Variants in MIA2 observed in about 807,000 individuals in gnomAD.
MIA2 encodes melanoma inhibitory activity protein 2.
MIA2 carries 127 observed loss-of-function variants against 167.8 expected under a neutral mutation model. The ratio of observed to expected loss-of-function variants is 0.76; its 90% CI spans 0.66 to 0.88. The LOEUF (loss-of-function observed/expected upper bound fraction) is 0.88. Ranked by LOEUF, MIA2 falls within the 40% of genes least tolerant of loss-of-function variation. The probability of loss-of-function intolerance (pLI) is 0.00; values close to 1 mark genes in which losing one functional copy is unlikely to be tolerated. For missense variants in MIA2, 1,690 were observed against 1,624.7 expected (o/e 1.04, Z -0.69); for synonymous variants, 552 against 541.9 (o/e 1.02, Z -0.26).
intron 23 of MIA2, among the ~76,000 whole-genome samples, chr14:39,381,640 T>C (rs995923791): frequency 1.3e-5 from 2 of 151,492 alleles, no homozygotes; most frequent in African/African-American, 4.8e-5. Flanking sequence ...AGTCCCTGTG[T>C]AGTCAATCTT....
At chr14:39,331,262 G>A (rs1211435541) in intron 25 of MIA2, among the ~76,000 whole-genome samples, 1 of 151,998 alleles carries the variant, frequency 6.6e-6, no homozygotes, top group Non-Finnish European at 1.5e-5. Context: ...TTTTTTATCA[G>A]AGACTAGGAT....
intron 23 of MIA2, among the ~76,000 whole-genome samples, chr14:39,360,049 C>T (rs1332440179): frequency 6.8e-6 from 1 of 147,176 alleles, no homozygotes; most frequent in Non-Finnish European, 1.5e-5. Context: ...CGCAGTGGCT[C>T]ATGCCTGTAA....
At chr14:39,296,638 T>A (rs1007624982) in intron 13 of MIA2, among the ~76,000 whole-genome samples, 9 of 135,864 alleles carry the variant, frequency 6.6e-5, no homozygotes, top group African/African-American at 2.5e-4. Flanking sequence ...ATTTTTATTA[T>A]TTTTTTTTTA....
In MIA2 at chr14:39,374,959, T is replaced by C. The variant is rs191464145; in HGVS notation, c.2249-11926T>C. On this transcript the variant is annotated intron_variant, in intron 23 of 23. Coordinates refer to the MIA2 transcript ENST00000341502. ...TATAACTAAAACTGGCTCATGATGATGTGCTTTAAAACTTTCAGAGTGTGC... is the reference window on the plus strand; with the variant it reads ...TATAACTAAAACTGGCTCATGATGACGTGCTTTAAAACTTTCAGAGTGTGC... Among the ~76,000 whole-genome samples, 8 of 152,356 alleles carry C rather than the reference T, an allele frequency of 5.3e-5. No individual in the cohort carries two copies. In the East Asian group the frequency reaches 1.5e-3, roughly 29 times the overall value.
At chr14:39,386,641 C>G in intron 23 of MIA2, 2 of 1,041,148 alleles carry the variant, frequency 1.9e-6, no homozygotes, top group Non-Finnish European at 2.9e-6. Flanking sequence ...GCAGTCTGAT[C>G]TGTGACAGCT....
At chr14:39,292,749 ATAAC>A (rs1424118520) in intron 10 of MIA2, 3 of 206,612 alleles carry the variant, frequency 1.5e-5, no homozygotes, top group Non-Finnish European at 1.0e-5. Flanking sequence ...GAATAATCCA[ATAAC>A]TAATCATTTT....
At chr14:39,245,350 C>G (rs1287313447) in intron 3 of MIA2, among the ~76,000 whole-genome samples, 1 of 151,990 alleles carries the variant, frequency 6.6e-6, no homozygotes, top group Non-Finnish European at 1.5e-5. Context: ...TTGTGCCACA[C>G]ATAAAATACA....
At chr14:39,290,139 C>T (rs953569932) in intron 9 of MIA2, among the ~76,000 whole-genome samples, 1 of 152,160 alleles carries the variant, frequency 6.6e-6, no homozygotes, top group East Asian at 1.9e-4. Context: ...TTGGCAGGTC[C>T]TGAACTCCAA....
intron 6 of MIA2, among the ~76,000 whole-genome samples, chr14:39,262,351 C>T (rs2055163776): frequency 6.6e-6 from 1 of 152,110 alleles, no homozygotes; most frequent in African/African-American, 2.4e-5. Flanking sequence ...TTTCTGAGGC[C>T]TGTGTTCTGT....
intron 6 of MIA2, chr14:39,266,706 TTC>T: frequency 1.0e-5 from 10 of 985,558 alleles, no homozygotes; most frequent in Non-Finnish European, 1.2e-5. Flanking sequence ...GGCGGCTGGC[TTC>T]TCGGGGCTGC....
chr14:39,371,300 T>C (rs981873707), intron 23 of MIA2, among the ~76,000 whole-genome samples: 17 of 152,160 alleles, frequency 1.1e-4, no homozygotes, highest in African/African-American at 3.9e-4. Context: ...GGGCCAGAAT[T>C]TGGGGAAGGG....
chr14:39,261,454 G>T (rs2055109885), intron 6 of MIA2, among the ~76,000 whole-genome samples: 4 of 152,146 alleles, frequency 2.6e-5, no homozygotes, highest in Non-Finnish European at 5.9e-5. Flanking sequence ...AAACATACGT[G>T]TGCAGGTGCC....
At chr14:39,333,924 T>C (rs1248220210) in intron 25 of MIA2, among the ~76,000 whole-genome samples, 3 of 152,188 alleles carry the variant, frequency 2.0e-5, no homozygotes, top group Non-Finnish European at 4.4e-5. Flanking sequence ...ACCTGATCCC[T>C]GTGGTTTGAC....
intron 6 of MIA2, among the ~76,000 whole-genome samples, chr14:39,270,804 A>G (rs943192736): frequency 6.6e-6 from 1 of 152,228 alleles, no homozygotes; most frequent in African/African-American, 2.4e-5. Flanking sequence ...GCTCATTTAA[A>G]AAATGGGTGG....
intron 25 of MIA2, among the ~76,000 whole-genome samples, chr14:39,337,978 C>T (rs1343714647): frequency 1.3e-5 from 2 of 152,180 alleles, no homozygotes; most frequent in Non-Finnish European, 2.9e-5. Context: ...CCACCTCGGC[C>T]TCCCAAAGTG....
intron 6 of MIA2, among the ~76,000 whole-genome samples, chr14:39,268,286 A>G (rs1182088208): frequency 6.6e-6 from 1 of 152,198 alleles, no homozygotes; most frequent in East Asian, 1.9e-4. Context: ...TTTTCTTGTT[A>G]GGTGAATTAA....
At chr14:39,295,227 C>T (rs2061263673) in intron 13 of MIA2, among the ~76,000 whole-genome samples, 198 bp downstream of exon 13, 1 of 152,078 alleles carries the variant, frequency 6.6e-6, no homozygotes, top group Admixed American at 6.6e-5. Flanking sequence ...CACCCTCTAC[C>T]CCAGGGCAGG....
At chr14:39,317,303 T>C (rs961005002) in intron 21 of MIA2, among the ~76,000 whole-genome samples, 12 of 152,182 alleles carry the variant, frequency 7.9e-5, no homozygotes, top group African/African-American at 2.9e-4. Context: ...GCTCCAGAGC[T>C]GAGCTACCCA....
intron 6 of MIA2, among the ~76,000 whole-genome samples, chr14:39,261,977 A>G (rs2055141497): frequency 6.6e-6 from 1 of 152,148 alleles, no homozygotes; most frequent in African/African-American, 2.4e-5. Flanking sequence ...TTTGCTGTGC[A>G]GAAGCTCTTT....
Sources: gnomAD v4.1 joint callset for allele counts (sites outside exome capture counted in the v4.1 genomes callset) on GRCh38, gnomAD v4.1.1 for gene constraint, MANE v1.5 for transcripts, NCBI Gene and HGNC (gene_info 2026-07-23, HGNC 2026-07-21) for gene names.